ZNF273: variants seen among roughly 807,000 people sequenced by gnomAD.
ZNF273 encodes zinc finger protein 9.
ZNF273 carries 11 observed loss-of-function variants against 14.9 expected under a neutral mutation model. The ratio of observed to expected loss-of-function variants is 0.74; its 90% confidence interval spans 0.46 to 1.22. The LOEUF (loss-of-function observed/expected upper bound fraction) is 1.22. ZNF273 is among the 50% of genes most tolerant of loss of function. ZNF273 has a pLI of 0.00. For synonymous variants in ZNF273, 199 were observed against 223.9 expected, an observed-to-expected ratio of 0.89 and a Z score of 0.99; for missense variants, 577 against 660.6, an observed-to-expected ratio of 0.87 and a Z score of 1.39.
chr7:64,921,574 A>C (rs1208654791), intron 3 of ZNF273, among the ~76,000 whole-genome samples: 1 of 122,170 alleles, frequency 8.2e-6, no homozygotes, highest in Non-Finnish European at 1.7e-5. Context: ...TTTTACCATT[A>C]TATAATATCA....
chr7:64,932,532 G>C (rs1316544884), downstream of ZNF273, among the ~76,000 whole-genome samples: 1 of 152,032 alleles, frequency 6.6e-6, no homozygotes, highest in Admixed American at 6.5e-5. Flanking sequence ...GTGAACTCCT[G>C]ACCTTAGGTG....
chr7:64,879,306 C>T (rs538923151), intron 2 of ZNF273: 2 of 152,154 alleles, frequency 1.3e-5, no homozygotes, highest in East Asian at 1.9e-4. Context: ...GCAGGAAGCT[C>T]CTGGGTGCAC....
In ZNF273 at chr7:64,903,384, G is replaced by A. The variant is rs1562955594; in HGVS notation, c.67G>A (p.Ala23Thr). 6 of 1,613,454 alleles carry A rather than the reference G, an allele frequency of 3.7e-6. No individual in the cohort carries two copies. The highest frequency in any genetic ancestry group is 1.6e-4 in the Middle Eastern group (1 of 6,070). Residue 23 changes from alanine to threonine, a missense_variant, in exon 1 of 4, where the codon GCT becomes ACT. Physicochemically the swap from Ala to Thr is moderately conservative, Grantham distance 58. Coordinates refer to ENST00000476120, the MANE Select transcript of ZNF273 (RefSeq NM_021148.3). ...ACCTGCAGGTATTGGGAGATCCACA[G>A]CTAAGACGCCAGGACTCCCTGGAAG... ...PLPAGIGRST[A>T]KTPGLPGSLE...
In ZNF273 at chr7:64,927,685, G is replaced by A. The variant is rs774782714; in HGVS notation, c.357G>A (p.Trp119Ter). The change falls in exon 4 of 4, where the codon TGG becomes TGA. Residue 119 changes from tryptophan (W) to a stop codon, truncating the protein, a stop_gained. Coordinates refer to ENST00000476120, the MANE Select transcript of ZNF273 (RefSeq NM_021148.3). LOFTEE classifies it low-confidence loss of function (END_TRUNC). ...GTTCTCATTTTGCCCAAGACCTTTG[G>A]CCAAAGCAGGGCTTAAAAGATTCTT... Reference protein sequence around the residue: ...VVCSHFAQDLWPKQGLKDSFQ... With the variant: ...VVCSHFAQDL 13 of 1,588,590 alleles carry A rather than the reference G, an allele frequency of 8.2e-6. No homozygotes were observed. Among genetic ancestry groups the A allele is most frequent in the Admixed American group, 1.8e-5 (1 of 54,276 alleles).
intron 3 of ZNF273, among the ~76,000 whole-genome samples, chr7:64,918,994 A>T (rs1305838559): frequency 6.6e-6 from 1 of 152,066 alleles, no homozygotes; most frequent in Non-Finnish European, 1.5e-5. Flanking sequence ...CATCTGAAAT[A>T]TGTGAGAGTA....
chr7:64,882,327 C>A (rs1335969587), downstream of ZNF273, among the ~76,000 whole-genome samples: 2 of 23,096 alleles, frequency 8.7e-5, no homozygotes, highest in Non-Finnish European at 1.4e-4. Flanking sequence ...GGGAGCCGAC[C>A]ACGGAGACGC....
chr7:64,928,281 A>C lies in ZNF273; in HGVS notation c.953A>C (p.Tyr318Ser). The C allele has an allele frequency of 6.2e-7, 1 of 1,612,726 alleles. No individual in the cohort carries two copies. The highest frequency in any genetic ancestry group is 8.5e-7 in the Non-Finnish European group (1 of 1,179,532). ...ATAATTCATACAGGAACAAAACCCT[A>C]CAATTGTGAAGAATGTGGCAAAGGC... ...HKIIHTGTKP[Y>S]NCEECGKGFS... Residue 318 changes from tyrosine (Y) to serine (S), a missense_variant, in exon 4 of 4, where the codon TAC (tyrosine) becomes TCC (serine). Coordinates refer to ENST00000476120, the MANE Select transcript of ZNF273 (RefSeq NM_021148.3).
chr7:64,901,697 T>C (rs1010518473), upstream of ZNF273, among the ~76,000 whole-genome samples: 1 of 152,194 alleles, frequency 6.6e-6, no homozygotes, highest in Admixed American at 6.5e-5. Context: ...GCACTTGTAA[T>C]CCCAGCACTT....
intron 3 of ZNF273, among the ~76,000 whole-genome samples, chr7:64,925,685 G>A (rs1794736653): frequency 1.3e-5 from 2 of 151,890 alleles, no homozygotes; most frequent in African/African-American, 4.8e-5. Flanking sequence ...CGATTCACCC[G>A]CCTTGGCCTC....
At chr7:64,897,125 G>A (rs557147262) in intron 3 of ZNF273, among the ~76,000 whole-genome samples, 2 of 152,200 alleles carry the variant, frequency 1.3e-5, no homozygotes, top group Admixed American at 1.3e-4. Context: ...AAAGTAATGG[G>A]TCTTCCCTAT....
rs1410667335 is a variant in ZNF273, at chr7:64,928,017, G to C, written c.689G>C (p.Arg230Thr). ...QLTQHKKTAT[R>T]VNFYKCKTCG... is the part of the protein sequence containing the mutation. ...ACTCAGCATAAGAAAACTGCTACTA[G>C]AGTGAATTTCTACAAATGTAAGACA... Residue 230 changes from arginine (R) to threonine (T), a missense_variant, in exon 4 of 4, where the codon AGA (arginine) becomes ACA (threonine). Around this residue, in one of 3 missense-constraint regions of ZNF273, gnomAD observed 411 missense variants for 440.4 expected, o/e 0.93. Coordinates refer to ENST00000476120, the MANE Select transcript of ZNF273 (RefSeq NM_021148.3). The C allele has an allele frequency of 6.2e-7, 1 of 1,606,932 alleles. No homozygotes were observed. Among genetic ancestry groups the C allele is most frequent in the Non-Finnish European group, 8.5e-7 (1 of 1,177,198 alleles).
At position 64,903,305 on chromosome 7, in the gene ZNF273, T is replaced by A. The variant is rs1323706820; in HGVS notation, c.-13T>A. On this transcript the variant is annotated 5_prime_UTR_variant, in exon 1 of 4. Transcript: ENST00000476120. ...GCTGCAGTCGCAGCTCCAGGTCTCG[T>A]CTTCACTGCTCTATGTCCTCTGCTC... The A allele has an allele frequency of 6.2e-7, 1 of 1,604,114 alleles. No homozygotes were observed. The highest frequency in any genetic ancestry group is 1.3e-5 in the African/African-American group (1 of 74,606).
At chr7:64,934,937 T>C (rs1173084469), downstream of ZNF273, among the ~76,000 whole-genome samples, 2 of 152,224 alleles carry the variant, frequency 1.3e-5, no homozygotes, top group East Asian at 3.8e-4. Context: ...GAATTAGTAC[T>C]ATTTAATTGG....
chr7:64,882,954 A>C (rs1272204711), downstream of ZNF273, among the ~76,000 whole-genome samples: 1 of 151,450 alleles, frequency 6.6e-6, no homozygotes, highest in East Asian at 2.0e-4. Context: ...TGGCTGCCCG[A>C]GTGTGTATGC....
At chr7:64,903,189 A>T (rs564190694), upstream of ZNF273, 1 of 717,044 alleles carries the variant, frequency 1.4e-6, no homozygotes, top group African/African-American at 1.8e-5. Flanking sequence ...ACATCCTCCA[A>T]TCAGGGACGC....
At chr7:64,919,324 C>T (rs962336612) in intron 3 of ZNF273, among the ~76,000 whole-genome samples, 6 of 151,958 alleles carry the variant, frequency 3.9e-5, no homozygotes, top group Admixed American at 3.9e-4. Context: ...AGTTTATTTG[C>T]GTCTTCCTTA....
At chr7:64,916,906 A>T in intron 1 of ZNF273, 1 of 797,376 alleles carries the variant, frequency 1.3e-6, no homozygotes, top group Non-Finnish European at 1.6e-6. Context: ...CTTCTTTATT[A>T]AGTATCTTTA....
At chr7:64,901,158 A>G (rs577595501), upstream of ZNF273, among the ~76,000 whole-genome samples, 11 of 152,036 alleles carry the variant, frequency 7.2e-5, no homozygotes, top group African/African-American at 2.7e-4. Flanking sequence ...GCACGCCATC[A>G]CACCTGGCTA....
At chr7:64,927,441 C>G (rs1399493238) in intron 3 of ZNF273, among the ~76,000 whole-genome samples, 3 of 152,196 alleles carry the variant, frequency 2.0e-5, no homozygotes, top group Non-Finnish European at 4.4e-5. Flanking sequence ...ACCTGGGGCA[C>G]TGCACACACT....
Sources: allele counts gnomAD v4.1 joint callset (sites outside exome capture counted in the v4.1 genomes callset), GRCh38; gene constraint gnomAD v4.1.1; regional missense constraint gnomAD v4.1.1; transcripts MANE v1.5; gene names NCBI Gene and HGNC (gene_info 2026-07-23, HGNC 2026-07-21).